STAG1: variants seen among roughly 807,000 people sequenced by gnomAD.
STAG1 encodes the protein STAG1 cohesin complex component, also known as cohesin subunit SA-1.
Under a neutral mutation model 170.9 loss-of-function variants are expected in STAG1, and 26 were observed. The ratio of observed to expected loss-of-function variants is 0.15; its 90% CI spans 0.11 to 0.21. The LOEUF (loss-of-function observed/expected upper bound fraction) is 0.21. Among genes scored for constraint, STAG1 ranks in the 10% least tolerant of loss-of-function variants. The pLI is 1.00. For synonymous variants in STAG1, 514 were observed against 497.7 expected, an observed-to-expected ratio of 1.03 and a Z score of -0.44; for missense variants, 964 against 1,509.5, an observed-to-expected ratio of 0.64 and a Z score of 5.99.
chr3:136,452,301 A>C (rs900697954), intron 13 of STAG1, among the ~76,000 whole-genome samples, 154 bp from the exon 14 acceptor site: 7 of 152,086 alleles, frequency 4.6e-5, no homozygotes, highest in African/African-American at 1.7e-4. Flanking sequence ...GCAGAGGCTC[A>C]TGCCTGTAAT....
chr3:136,468,965 T>G (rs2089549274), intron 12 of STAG1, among the ~76,000 whole-genome samples: 1 of 152,138 alleles, frequency 6.6e-6, no homozygotes, highest in Admixed American at 6.5e-5. Flanking sequence ...CTCAATACAT[T>G]AGGTATTGAT....
intron 6 of STAG1, among the ~76,000 whole-genome samples, chr3:136,522,445 G>C (rs914384048): frequency 6.6e-6 from 1 of 151,888 alleles, no homozygotes; most frequent in Non-Finnish European, 1.5e-5. Flanking sequence ...ACATAGACTA[G>C]AAAGAAAAGA....
chr3:136,651,288 C>A (rs1941207836), intron 1 of STAG1, among the ~76,000 whole-genome samples: 2 of 151,282 alleles, frequency 1.3e-5, no homozygotes, highest in South Asian at 4.2e-4. Flanking sequence ...ACTGCTTGAG[C>A]CCGGGAAGTC....
intron 13 of STAG1, among the ~76,000 whole-genome samples, chr3:136,456,527 C>T (rs547108977): frequency 6.6e-6 from 1 of 152,198 alleles, no homozygotes; most frequent in South Asian, 2.1e-4. Context: ...TTCAAGCAAA[C>T]TAACTTCTGC....
chr3:136,514,499 T>C (rs889029517), intron 7 of STAG1, among the ~76,000 whole-genome samples: 2 of 152,214 alleles, frequency 1.3e-5, no homozygotes, highest in Non-Finnish European at 1.5e-5. Flanking sequence ...TGGAAGACAG[T>C]GTGGTGATTC....
At chr3:136,460,636 T>C (rs1384355943) in intron 13 of STAG1, among the ~76,000 whole-genome samples, 2 of 151,634 alleles carry the variant, frequency 1.3e-5, no homozygotes, top group African/African-American at 2.4e-5. Context: ...AATAATGATA[T>C]TGAAGCAGTA....
chr3:136,699,501 C>G (rs1273183123), intron 1 of STAG1, among the ~76,000 whole-genome samples: 1 of 152,082 alleles, frequency 6.6e-6, no homozygotes, highest in Admixed American at 6.5e-5. Flanking sequence ...GACGATCCTC[C>G]CACCTCAGAT....
chr3:136,672,298 T>C (rs1403807004), intron 1 of STAG1, among the ~76,000 whole-genome samples: 3 of 152,230 alleles, frequency 2.0e-5, no homozygotes, highest in African/African-American at 7.2e-5. Context: ...TAGATGTGTA[T>C]GTGCACACAG....
chr3:136,600,858 GTT>G, intron 4 of STAG1, among the ~76,000 whole-genome samples: 1 of 102,396 alleles, frequency 9.8e-6, no homozygotes, highest in South Asian at 3.6e-4. Flanking sequence ...TCTTGTTGTT[GTT>G]TGTTTGTTTG....
chr3:136,456,982 G>C (rs2089130513), intron 13 of STAG1, among the ~76,000 whole-genome samples: 1 of 152,186 alleles, frequency 6.6e-6, no homozygotes, highest in Non-Finnish European at 1.5e-5. Flanking sequence ...ATCAACACCA[G>C]AGCTGCCTTA....
At chr3:136,597,613 T>A (rs916930592) in intron 4 of STAG1, among the ~76,000 whole-genome samples, 3 of 152,216 alleles carry the variant, frequency 2.0e-5, no homozygotes, top group Non-Finnish European at 2.9e-5. Context: ...CTTGTTCTAA[T>A]TGGTTATTAA....
In STAG1 at chr3:136,433,590, G is replaced by C; in HGVS notation, c.1616C>G (p.Ala539Gly). ...MVCTIRQAAEAHPPVGRGTGK... is the reference protein window; with the variant it reads ...MVCTIRQAAEGHPPVGRGTGK... ...GGTACCCCTTCCCACTGGAGGATGT[G>C]CCTCAGCAGCTTGACGAATTGTACA... Residue 539 changes from alanine to glycine, a missense_variant, in exon 16 of 34, where the codon GCA (alanine) becomes GGA (glycine). Ala to Gly is a moderately conservative substitution (Grantham distance 60). Coordinates refer to ENST00000383202, the MANE Select transcript of STAG1 (RefSeq NM_005862.3). 6.3e-7 allele frequency: 1 copy of C among 1,599,612 alleles called. No individual in the cohort carries two copies. The highest frequency in any genetic ancestry group is 8.5e-7 in the Non-Finnish European group (1 of 1,175,042).
At chr3:136,671,361 C>G (rs113977473) in intron 1 of STAG1, among the ~76,000 whole-genome samples, 31 of 152,052 alleles carry the variant, frequency 2.0e-4, no homozygotes, top group African/African-American at 7.2e-4. Context: ...CTTCTAGATG[C>G]TTTGTATACC....
chr3:136,428,394 T>C (rs1164587615), intron 16 of STAG1, among the ~76,000 whole-genome samples: 1 of 152,164 alleles, frequency 6.6e-6, no homozygotes. Context: ...CAGTAAGGGA[T>C]TGCCTTTTAA....
intron 26 of STAG1, among the ~76,000 whole-genome samples, chr3:136,362,798 A>T (rs966797159): frequency 6.6e-6 from 1 of 151,928 alleles, no homozygotes; most frequent in Non-Finnish European, 1.5e-5. Flanking sequence ...GTAGGACTAT[A>T]AACAGCTATT....
chr3:136,590,513 A>G (rs959699831), intron 4 of STAG1, among the ~76,000 whole-genome samples: 3 of 152,020 alleles, frequency 2.0e-5, no homozygotes, highest in Middle Eastern at 6.8e-3. Flanking sequence ...AAAAAAAAAA[A>G]CAAAAACAAA....
intron 23 of STAG1, among the ~76,000 whole-genome samples, chr3:136,369,587 G>T (rs566185971): frequency 2.0e-5 from 3 of 152,182 alleles, no homozygotes; most frequent in South Asian, 2.1e-4. Flanking sequence ...TTTAAGCAAG[G>T]TGTTGATTAC....
At chr3:136,441,601 A>T (rs745477710) in intron 15 of STAG1, among the ~76,000 whole-genome samples, 1 of 152,210 alleles carries the variant, frequency 6.6e-6, no homozygotes, top group Non-Finnish European at 1.5e-5. Flanking sequence ...AGAATAGATA[A>T]TACAAATTAG....
At chr3:136,671,984 G>C (rs1037068816) in intron 1 of STAG1, among the ~76,000 whole-genome samples, 1 of 152,156 alleles carries the variant, frequency 6.6e-6, no homozygotes, top group East Asian at 1.9e-4. Context: ...AGTGACACAG[G>C]GGGTGGTAGT....
Sources: allele counts gnomAD v4.1 joint callset (sites outside exome capture counted in the v4.1 genomes callset), GRCh38; gene constraint gnomAD v4.1.1; transcripts MANE v1.5; gene names NCBI Gene and HGNC (gene_info 2026-07-23, HGNC 2026-07-21).